CNTNAP2: variants seen among roughly 807,000 people sequenced by gnomAD.
CNTNAP2 encodes the protein contactin-associated protein-like 2.
A neutral mutation model predicts 155.2 loss-of-function variants in CNTNAP2; 98 were observed. The ratio of observed to expected loss-of-function variants is 0.63; its 90% CI spans 0.54 to 0.75. CNTNAP2 has a LOEUF of 0.75. CNTNAP2 is among the 30% of genes least tolerant of loss of function. CNTNAP2 has a pLI of 0.00. For synonymous variants in CNTNAP2, 651 were observed against 631.2 expected (o/e 1.03, Z -0.47); for missense variants, 1,727 against 1,688.1 (o/e 1.02, Z -0.40).
chr7:146,135,874 A>G lies in CNTNAP2; in HGVS notation c.97+18901A>G, dbSNP rs1332589806. Among the ~76,000 whole-genome samples, 9 of 152,228 alleles carry G rather than the reference A, an allele frequency of 5.9e-5. No individual in the cohort carries two copies. In the South Asian group the frequency reaches 1.7e-3, roughly 28 times the overall value. ...GGAAGAAAAAAATGCTTGTCTCTCT[A>G]TGTTCAAGCTGGTAAAATTCCATCA... On this transcript the variant is annotated intron_variant, in intron 1 of 23. Transcript: ENST00000361727.
At chr7:147,011,276 T>C (rs1798617770) in intron 3 of CNTNAP2, among the ~76,000 whole-genome samples, 1 of 151,612 alleles carries the variant, frequency 6.6e-6, no homozygotes, top group African/African-American at 2.4e-5. Context: ...TAGCTTGACG[T>C]GGTGACACAT....
chr7:147,577,713 G>T (rs182394229), intron 12 of CNTNAP2, among the ~76,000 whole-genome samples: 36 of 151,730 alleles, frequency 2.4e-4, no homozygotes, highest in Non-Finnish European at 3.2e-4. Flanking sequence ...ATAGGCAAAG[G>T]CTCAGAGGAA....
At chr7:147,505,618 A>G (rs1798893660) in intron 11 of CNTNAP2, among the ~76,000 whole-genome samples, 1 of 152,226 alleles carries the variant, frequency 6.6e-6, no homozygotes, top group Non-Finnish European at 1.5e-5. Flanking sequence ...TTTAAATGGA[A>G]GAAATGTATC....
rs376582593 is a variant in CNTNAP2, at chr7:148,147,472, A to C, written c.2555-19A>C. Reference sequence around the variant, plus strand: ...TGGGAGAAAAATACTCATGTTTTTCATGCTTTCTGCTCCTCCAGCTGCCAC... The same window carrying C: ...TGGGAGAAAAATACTCATGTTTTTCCTGCTTTCTGCTCCTCCAGCTGCCAC... On this transcript the variant is annotated intron_variant, in intron 16 of 23. Transcript: ENST00000361727. 1.9e-6 allele frequency: 3 copies of C among 1,611,442 alleles called. No individual in the cohort carries two copies. The highest frequency in any genetic ancestry group is 2.5e-6 in the Non-Finnish European group (3 of 1,177,616).
At chr7:146,299,745 C>T (rs1425465925) in intron 1 of CNTNAP2, among the ~76,000 whole-genome samples, 5 of 151,950 alleles carry the variant, frequency 3.3e-5, no homozygotes, top group South Asian at 2.1e-4. Context: ...GGAGGGGGTA[C>T]GACTTATGTG....
intron 2 of CNTNAP2, among the ~76,000 whole-genome samples, chr7:146,822,391 C>T (rs1351021166): frequency 2.6e-5 from 4 of 151,356 alleles, no homozygotes; most frequent in Admixed American, 1.3e-4. Context: ...TTAATGGGTG[C>T]AGCACACCAA....
At chr7:148,377,562 C>T (rs1798985880) in intron 21 of CNTNAP2, among the ~76,000 whole-genome samples, 1 of 67,590 alleles carries the variant, frequency 1.5e-5, no homozygotes, top group African/African-American at 3.6e-5. Context: ...TCTACTGGTT[C>T]TGAATACACT....
intron 8 of CNTNAP2, among the ~76,000 whole-genome samples, chr7:147,191,030 T>A (rs1304460207): frequency 6.6e-6 from 1 of 151,892 alleles, no homozygotes; most frequent in Non-Finnish European, 1.5e-5. Context: ...ATATATTAGA[T>A]GAAATACTCT....
At chr7:146,419,738 C>T (rs147852986) in intron 1 of CNTNAP2, among the ~76,000 whole-genome samples, 135 of 152,220 alleles carry the variant, frequency 8.9e-4, no homozygotes, top group African/African-American at 2.6e-3. Context: ...CCTGTTAATA[C>T]GGCTTCTATC....
At chr7:147,461,558 C>T (rs1339737785) in intron 10 of CNTNAP2, among the ~76,000 whole-genome samples, 1 of 151,946 alleles carries the variant, frequency 6.6e-6, no homozygotes, top group Non-Finnish European at 1.5e-5. Context: ...AACCGATTTT[C>T]ATTGTTATTA....
At chr7:147,629,744 G>T (rs1795050574) in intron 12 of CNTNAP2, among the ~76,000 whole-genome samples, 1 of 151,958 alleles carries the variant, frequency 6.6e-6, no homozygotes, top group Non-Finnish European at 1.5e-5. Context: ...AGTCAACAAT[G>T]AAATAAAGAT....
chr7:147,323,935 A>T (rs1795401932), intron 9 of CNTNAP2, among the ~76,000 whole-genome samples: 1 of 152,070 alleles, frequency 6.6e-6, no homozygotes, highest in South Asian at 2.1e-4. Flanking sequence ...AAACATTAGG[A>T]TCTATTAAAA....
At chr7:147,200,421 G>A (rs1802899255) in intron 8 of CNTNAP2, among the ~76,000 whole-genome samples, 1 of 152,084 alleles carries the variant, frequency 6.6e-6, no homozygotes, top group South Asian at 2.1e-4. Flanking sequence ...TGGATTCCCT[G>A]AGCCCTAATT....
chr7:147,062,290 A>G (rs184179121), intron 4 of CNTNAP2, among the ~76,000 whole-genome samples: 1 of 152,008 alleles, frequency 6.6e-6, no homozygotes, highest in East Asian at 1.9e-4. Flanking sequence ...ATATGTCACA[A>G]TTTATCCCTG....
intron 9 of CNTNAP2, among the ~76,000 whole-genome samples, chr7:147,370,073 C>T: frequency 6.6e-6 from 1 of 152,164 alleles, no homozygotes; most frequent in East Asian, 1.9e-4. Context: ...TTCCGTATTT[C>T]CTACATGGTT....
At chr7:147,357,017 AC>A (rs950619554) in intron 9 of CNTNAP2, among the ~76,000 whole-genome samples, 2 of 151,960 alleles carry the variant, frequency 1.3e-5, no homozygotes, top group Non-Finnish European at 2.9e-5. Context: ...TTTCATTCAA[AC>A]TCTGACCTCC....
At position 147,307,324 on chromosome 7, in the gene CNTNAP2, C is replaced by T. The variant is rs1355301393; in HGVS notation, c.1498+7034C>T. On this transcript the variant is annotated intron_variant, in intron 9 of 23. Coordinates refer to ENST00000361727, the MANE Select transcript of CNTNAP2 (RefSeq NM_014141.6). ...TTCAGGCCAGGCATGGTGGCTCAAGCCTGTAATCCCAGCACTTTGGGAGGC... is the reference window on the plus strand; with the variant it reads ...TTCAGGCCAGGCATGGTGGCTCAAGTCTGTAATCCCAGCACTTTGGGAGGC... Among the ~76,000 whole-genome samples, 2 of 152,128 alleles carry T rather than the reference C, an allele frequency of 1.3e-5. 1 individual carries two copies. The highest frequency in any genetic ancestry group is 4.8e-5 in the African/African-American group (2 of 41,414).
chr7:146,856,314 A>C (rs28608984), intron 3 of CNTNAP2, among the ~76,000 whole-genome samples: 1 of 148,380 alleles, frequency 6.7e-6, no homozygotes, highest in African/African-American at 2.5e-5. Flanking sequence ...ACATACATAC[A>C]TACATACATA....
chr7:148,062,063 G>T (rs1357137860), intron 15 of CNTNAP2, among the ~76,000 whole-genome samples: 1 of 150,218 alleles, frequency 6.7e-6, no homozygotes, highest in Non-Finnish European at 1.5e-5. Flanking sequence ...GTGTGTGTGT[G>T]TGTGTGTGTG....
Sources: gnomAD v4.1 joint callset for allele counts (sites outside exome capture counted in the v4.1 genomes callset) on GRCh38, gnomAD v4.1.1 for gene constraint, MANE v1.5 for transcripts, NCBI Gene and HGNC (gene_info 2026-07-23, HGNC 2026-07-21) for gene names.